MDFIC2: variants seen among roughly 807,000 people sequenced by gnomAD.
The protein encoded by MDFIC2 is MyoD family inhibitor domain containing 2, also known as myoD family inhibitor domain-containing protein 2.
chr3:70,265,395 G>A (rs1386973504), intron 2 of MDFIC2, among the ~76,000 whole-genome samples: 11 of 152,172 alleles, frequency 7.2e-5, no homozygotes, highest in Non-Finnish European at 4.4e-5. Flanking sequence ...GGTAAAGGAA[G>A]ATGGAGATTG....
intron 2 of MDFIC2, among the ~76,000 whole-genome samples, chr3:70,306,948 T>C (rs775520225): frequency 2.6e-5 from 4 of 152,150 alleles, no homozygotes; most frequent in Non-Finnish European, 5.9e-5. Context: ...ACTTTGCTCA[T>C]ACAAATAAAT....
intron 2 of MDFIC2, among the ~76,000 whole-genome samples, chr3:70,245,498 A>G (rs1188581724): frequency 6.6e-6 from 1 of 151,520 alleles, no homozygotes; most frequent in Non-Finnish European, 1.5e-5. Context: ...GACTTTGTTA[A>G]TAACTTAAAT....
intron 2 of MDFIC2, among the ~76,000 whole-genome samples, chr3:70,290,727 G>A (rs1349278092): frequency 6.6e-6 from 1 of 152,264 alleles, no homozygotes; most frequent in Middle Eastern, 3.4e-3. Flanking sequence ...GTGGGCGTAG[G>A]ACCCTCCGAG....
At position 70,196,978 on chromosome 3, in the gene MDFIC2, G is replaced by T; in HGVS notation, c.518C>A (p.Thr173Asn). Residue 173 changes from threonine to asparagine, a missense_variant, in exon 4 of 4, where the codon ACC becomes AAC. Physicochemically the swap from Thr to Asn is moderately conservative, Grantham distance 65. Coordinates refer to ENST00000567252, the MANE Select transcript of MDFIC2 (RefSeq NM_001364677.1). Reference protein sequence around the residue: ...DCSLFESCHETSECLELAMEI... With the variant: ...DCSLFESCHENSECLELAMEI... ...CATGGCCAGTTCCAGACACTCGCTG[G>T]TCTCATGGCAAGATTCAAAAAGGCT... The T allele has an allele frequency of 2.5e-6, 1 of 398,520 alleles. No individual in the cohort carries two copies. The highest frequency in any genetic ancestry group is 4.4e-6 in the Non-Finnish European group (1 of 226,026). The allele number at this position is 398,520 out of a possible 1,614,324, so 24.7% of individuals were successfully genotyped here.
rs1425677026 is a variant in MDFIC2 at position 70,195,922 on chromosome 3, G to A, written c.*1004C>T. On this transcript the variant is annotated 3_prime_UTR_variant, in exon 4 of 4. Coordinates refer to ENST00000567252, the MANE Select transcript of MDFIC2 (RefSeq NM_001364677.1). ...TTTCTTAAAAAAATAAGTAAAATAA[G>A]TACTTGACATAATTATTGATCACTT... Among the ~76,000 whole-genome samples the A allele has an allele frequency of 6.6e-6, 1 of 152,042 alleles. No homozygotes were observed. The highest frequency in any genetic ancestry group is 1.5e-5 in the Non-Finnish European group (1 of 68,000).
At chr3:70,229,501 T>C (rs1037266921) in intron 2 of MDFIC2, among the ~76,000 whole-genome samples, 2 of 152,228 alleles carry the variant, frequency 1.3e-5, no homozygotes, top group African/African-American at 4.8e-5. Flanking sequence ...TAAACTATAT[T>C]TTTCTGGTTT....
chr3:70,288,818 C>G (rs1702196070), intron 2 of MDFIC2, among the ~76,000 whole-genome samples: 1 of 151,604 alleles, frequency 6.6e-6, no homozygotes, highest in African/African-American at 2.4e-5. Flanking sequence ...ATGTAATGGC[C>G]TTCTTTGTCT....
chr3:70,201,781 T>A (rs2106720550), intron 3 of MDFIC2, among the ~76,000 whole-genome samples: 1 of 152,242 alleles, frequency 6.6e-6, no homozygotes, highest in South Asian at 2.1e-4. Flanking sequence ...CCCTCTCCAT[T>A]CCCTCCTCTT....
intron 2 of MDFIC2, among the ~76,000 whole-genome samples, chr3:70,281,709 C>G (rs1188125634): frequency 1.3e-5 from 2 of 152,142 alleles, no homozygotes; most frequent in South Asian, 2.1e-4. Flanking sequence ...TGCCCCACCT[C>G]AAGTGAACTC....
At chr3:70,239,725 C>T (rs1304947821) in intron 2 of MDFIC2, among the ~76,000 whole-genome samples, 1 of 152,086 alleles carries the variant, frequency 6.6e-6, no homozygotes, top group African/African-American at 2.4e-5. Context: ...AAGTGCTTCC[C>T]CAGAGCCCTG....
chr3:70,267,394 C>CTTT (rs9310185), intron 2 of MDFIC2, among the ~76,000 whole-genome samples: 3 of 74,850 alleles, frequency 4.0e-5, no homozygotes, highest in South Asian at 7.2e-4. Flanking sequence ...TTTTTAATAG[C>CTTT]TTTTTTTTTT....
chr3:70,279,590 G>A (rs749008034), intron 2 of MDFIC2, among the ~76,000 whole-genome samples: 3 of 152,090 alleles, frequency 2.0e-5, no homozygotes, highest in East Asian at 1.9e-4. Context: ...CAGTCCAGAC[G>A]GAATCTGGGT....
intron 2 of MDFIC2, among the ~76,000 whole-genome samples, chr3:70,296,679 A>G (rs147545303): frequency 3.5e-4 from 54 of 152,244 alleles, no homozygotes; most frequent in African/African-American, 1.2e-3. Context: ...AAGTCTTGAC[A>G]ATTCTAACTT....
chr3:70,208,435 G>T (rs546504770), intron 2 of MDFIC2, among the ~76,000 whole-genome samples: 7 of 152,178 alleles, frequency 4.6e-5, no homozygotes, highest in Admixed American at 1.3e-4. Flanking sequence ...AGTGGGTTCT[G>T]CTTTCTAAGG....
At chr3:70,306,302 G>A (rs536837955) in intron 2 of MDFIC2, among the ~76,000 whole-genome samples, 134 of 152,130 alleles carry the variant, frequency 8.8e-4, no homozygotes, top group Non-Finnish European at 1.5e-3. Flanking sequence ...TAGTAAAGAC[G>A]GGGTTTCACC....
chr3:70,290,892 G>A (rs186859261), intron 2 of MDFIC2, among the ~76,000 whole-genome samples: 14 of 152,306 alleles, frequency 9.2e-5, no homozygotes, highest in South Asian at 8.3e-4. Flanking sequence ...CTTCCCGAGT[G>A]AGGCAATGCC....
At chr3:70,284,584 C>A (rs1702122443) in intron 2 of MDFIC2, among the ~76,000 whole-genome samples, 2 of 152,152 alleles carry the variant, frequency 1.3e-5, no homozygotes, top group Admixed American at 1.3e-4. Context: ...AGAATAAGAT[C>A]ATGTCCTTTG....
intron 2 of MDFIC2, 106 bp from the exon 3 acceptor site, chr3:70,206,896 T>A (rs923965403): frequency 2.5e-6 from 1 of 395,246 alleles, no homozygotes; most frequent in Admixed American, 4.4e-5. Flanking sequence ...AAGATTAAAG[T>A]CTTAAGAAAA....
At chr3:70,274,555 C>G (rs1417144286) in intron 2 of MDFIC2, among the ~76,000 whole-genome samples, 1 of 152,100 alleles carries the variant, frequency 6.6e-6, no homozygotes, top group Non-Finnish European at 1.5e-5. Flanking sequence ...TGCATGCTCT[C>G]ACTTATAAGT....
Sources: allele counts gnomAD v4.1 joint callset (sites outside exome capture counted in the v4.1 genomes callset), GRCh38; gene constraint gnomAD v4.1.1; transcripts MANE v1.5; gene names NCBI Gene and HGNC (gene_info 2026-07-23, HGNC 2026-07-21).